GRIK4: variants seen among roughly 807,000 people sequenced by gnomAD.
The protein encoded by GRIK4 is glutamate ionotropic receptor kainate type subunit 4.
Under a neutral mutation model 104.9 loss-of-function variants are expected in GRIK4, and 40 were observed. That is an observed-to-expected ratio of 0.38 (90% CI 0.30 to 0.50). The LOEUF is 0.50. Among genes scored for constraint, GRIK4 ranks in the 20% least tolerant of loss-of-function variants. GRIK4 has a pLI of 0.93. For synonymous variants in GRIK4, 485 were observed against 524.9 expected (o/e 0.92, Z 1.04); for missense variants, 1,047 against 1,308.1 (o/e 0.80, Z 3.08).
chr11:120,534,595 G>A (rs945306281), intron 1 of GRIK4, among the ~76,000 whole-genome samples: 1 of 152,182 alleles, frequency 6.6e-6, no homozygotes, highest in Non-Finnish European at 1.5e-5. Flanking sequence ...AGAAACCCAG[G>A]TAGAATGGGG....
intron 3 of GRIK4, among the ~76,000 whole-genome samples, chr11:120,740,299 G>A (rs2135406717): frequency 6.6e-6 from 1 of 152,324 alleles, no homozygotes; most frequent in Non-Finnish European, 1.5e-5. Flanking sequence ...TGCACCTGCT[G>A]TTGATGTGAA....
intron 3 of GRIK4, among the ~76,000 whole-genome samples, chr11:120,727,499 C>T (rs1951051477): frequency 1.3e-5 from 2 of 151,958 alleles, no homozygotes; most frequent in South Asian, 2.1e-4. Flanking sequence ...ACTTATTTTA[C>T]ATAGAAATGA....
chr11:120,897,718 A>G (rs1237898312), intron 11 of GRIK4, among the ~76,000 whole-genome samples: 2 of 151,850 alleles, frequency 1.3e-5, no homozygotes, highest in African/African-American at 2.4e-5. Context: ...ACGAAAGACA[A>G]CGTGGAAGGA....
At position 120,866,606 on chromosome 11, in the gene GRIK4, T is replaced by C. The variant is rs138552198; in HGVS notation, c.906+4486T>C. 2.4e-3 allele frequency among the ~76,000 whole-genome samples: 361 copies of C among 152,282 alleles called. 2 individuals carry two copies. Among genetic ancestry groups the C allele is most frequent in the African/African-American group, 8.4e-3 (349 of 41,578 alleles). On this transcript the variant is annotated intron_variant, in intron 9 of 20. Coordinates refer to ENST00000527524, the MANE Select transcript of GRIK4 (RefSeq NM_014619.5). ...GGGGGATATTCAGTGAGTGGGGGTGTTCTCTGAGGCTCTCTTGGTGCTGCC... is the reference window on the plus strand; with the variant it reads ...GGGGGATATTCAGTGAGTGGGGGTGCTCTCTGAGGCTCTCTTGGTGCTGCC...
chr11:120,729,051 T>A (rs1029778069), intron 3 of GRIK4, among the ~76,000 whole-genome samples: 3 of 152,236 alleles, frequency 2.0e-5, no homozygotes, highest in Admixed American at 6.5e-5. Context: ...ACACTTAATA[T>A]AATGGTCTCC....
chr11:120,966,405 TTC>T (rs1944384542), intron 18 of GRIK4, among the ~76,000 whole-genome samples: 1 of 152,180 alleles, frequency 6.6e-6, no homozygotes, highest in African/African-American at 2.4e-5. Context: ...AGTCCTCACA[TTC>T]TGTTGCCGAG....
chr11:120,741,668 T>C (rs1415357465), intron 3 of GRIK4, among the ~76,000 whole-genome samples: 1 of 150,524 alleles, frequency 6.6e-6, no homozygotes, highest in Non-Finnish European at 1.5e-5. Flanking sequence ...GGCCTTCTAT[T>C]CATGTGAGTG....
intron 3 of GRIK4, among the ~76,000 whole-genome samples, chr11:120,746,264 C>T (rs1951436363): frequency 6.6e-6 from 1 of 152,106 alleles, no homozygotes; most frequent in Admixed American, 6.5e-5. Context: ...TGTTCGTTTC[C>T]TCTTTGCTCT....
chr11:120,706,704 C>G (rs12270261), intron 3 of GRIK4, among the ~76,000 whole-genome samples: 11 of 152,074 alleles, frequency 7.2e-5, no homozygotes, highest in African/African-American at 1.4e-4. Context: ...CATGCAGTAT[C>G]AAAGCAATAT....
At chr11:120,631,774 G>T (rs1382004344) in intron 1 of GRIK4, among the ~76,000 whole-genome samples, 1 of 152,106 alleles carries the variant, frequency 6.6e-6, no homozygotes, top group Admixed American at 6.5e-5. Flanking sequence ...AACCCTTTGA[G>T]GACAAAGGTC....
intron 1 of GRIK4, among the ~76,000 whole-genome samples, chr11:120,614,211 A>G (rs930362961): frequency 1.3e-5 from 2 of 152,204 alleles, no homozygotes; most frequent in South Asian, 2.1e-4. Context: ...GCAAGTGGTT[A>G]TGTGGTTGGT....
intron 8 of GRIK4, among the ~76,000 whole-genome samples, chr11:120,848,492 C>T (rs1953902274): frequency 6.6e-6 from 1 of 152,052 alleles, no homozygotes; most frequent in Non-Finnish European, 1.5e-5. Context: ...AAAGTGGTAT[C>T]AGAGAAGGGA....
intron 3 of GRIK4, among the ~76,000 whole-genome samples, chr11:120,691,317 C>T (rs941251193): frequency 2.6e-5 from 4 of 152,098 alleles, no homozygotes; most frequent in Admixed American, 6.5e-5. Flanking sequence ...TGGGAAGATT[C>T]AGGGTGGAAG....
At chr11:120,519,134 GAC>G (rs1367867464) in intron 1 of GRIK4, among the ~76,000 whole-genome samples, 2 of 152,172 alleles carry the variant, frequency 1.3e-5, no homozygotes, top group African/African-American at 4.8e-5. Context: ...ACACTAGGCT[GAC>G]ACATAGCTGT....
Position 120,986,119 on chromosome 11 carries a change from C to T in GRIK4, c.2730C>T (p.Ala910=). ...CGCAGAGACTGGCGCAGGAGGCCGC[C>T]CTGGTGGCCCGCGGCTGCACGCACA... The part of the protein sequence containing the change: ...QLAQRLAQEA[A]LVARGCTHIR... Residue 910 remains alanine (A), a synonymous_variant, in exon 21 of 21, where the codon GCC becomes GCT. Coordinates refer to ENST00000527524, the MANE Select transcript of GRIK4 (RefSeq NM_014619.5). 1 of 1,517,972 alleles carries T rather than the reference C, an allele frequency of 6.6e-7. No homozygotes were observed. Among genetic ancestry groups the T allele is most frequent in the Non-Finnish European group, 8.8e-7 (1 of 1,141,142 alleles). The allele number at this position is 1,517,972 out of a possible 1,614,324, so 94.0% of individuals were successfully genotyped here.
intron 13 of GRIK4, among the ~76,000 whole-genome samples, chr11:120,924,866 G>A (rs1207726170): frequency 6.6e-6 from 1 of 152,214 alleles, no homozygotes; most frequent in East Asian, 1.9e-4. Flanking sequence ...TCAGAACAAT[G>A]TCTTCAGCTC....
chr11:120,868,316 AG>A (rs1261588615), intron 9 of GRIK4: 1 of 152,214 alleles, frequency 6.6e-6, no homozygotes, highest in African/African-American at 2.4e-5. Flanking sequence ...AAGAGAATCG[AG>A]GGTTCATTGC....
chr11:120,961,567 C>T (rs533363749), intron 17 of GRIK4, among the ~76,000 whole-genome samples: 1 of 152,338 alleles, frequency 6.6e-6, no homozygotes, highest in South Asian at 2.1e-4. Flanking sequence ...ACTGGCTTCA[C>T]TGATTCCAGA....
In GRIK4 at chr11:120,893,844, G is replaced by A. The variant is rs145495653; in HGVS notation, c.1165-4688G>A. Among the ~76,000 whole-genome samples, 453 of 152,280 alleles carry A rather than the reference G, an allele frequency of 3.0e-3. 2 individuals carry two copies. The highest frequency in any genetic ancestry group is 0.01 in the African/African-American group (421 of 41,554). On this transcript the variant is annotated intron_variant, in intron 11 of 20. Coordinates refer to ENST00000527524, the MANE Select transcript of GRIK4 (RefSeq NM_014619.5). ...AAACATTTCCTAACTGAGCATGGGC[G>A]GGCACTGAAGCACTGTTAATCTCTG...
Sources: gnomAD v4.1 joint callset for allele counts (sites outside exome capture counted in the v4.1 genomes callset) on GRCh38, gnomAD v4.1.1 for gene constraint, MANE v1.5 for transcripts, NCBI Gene and HGNC (gene_info 2026-07-23, HGNC 2026-07-21) for gene names.